The following SMC4 variants were observed in gnomAD, a reference collection of about 807,000 sequenced individuals.
SMC4 encodes the protein structural maintenance of chromosomes protein 4.
A neutral mutation model predicts 145.6 loss-of-function variants in SMC4; 87 were observed. The ratio of observed to expected loss-of-function variants is 0.60; its 90% CI spans 0.50 to 0.71. SMC4 has a LOEUF of 0.71. SMC4 is among the 30% of genes least tolerant of loss of function. The probability of loss-of-function intolerance (pLI) is 0.00; values close to 1 mark genes in which losing one functional copy is unlikely to be tolerated. For missense variants in SMC4, 1,447 were observed against 1,537.1 expected (o/e 0.94, Z 0.98); for synonymous variants, 558 against 500.7 (o/e 1.11, Z -1.53).
intron 2 of SMC4, among the ~76,000 whole-genome samples, chr3:160,401,368 C>G (rs985345970): frequency 6.6e-6 from 1 of 152,152 alleles, no homozygotes; most frequent in Non-Finnish European, 1.5e-5. Flanking sequence ...ACCCTAACCT[C>G]ACCTCCGTGG....
At chr3:160,426,032 A>G in intron 16 of SMC4, 42 bp from the exon 17 acceptor site, 1 of 1,470,404 alleles carries the variant, frequency 6.8e-7, no homozygotes, top group African/African-American at 1.4e-5. Context: ...GTTTAAAGCA[A>G]ATGTTAAAAT....
intron 5 of SMC4, among the ~76,000 whole-genome samples, chr3:160,409,366 C>T (rs763956166): frequency 3.4e-5 from 5 of 146,170 alleles, no homozygotes; most frequent in Non-Finnish European, 7.5e-5. Context: ...AAAAAAAATG[C>T]TCAACTCTAT....
intron 23 of SMC4, 125 bp downstream of exon 23, chr3:160,433,334 T>C (rs1718624097): frequency 4.6e-6 from 3 of 658,042 alleles, no homozygotes; most frequent in Non-Finnish European, 7.7e-6. Context: ...CATCTCCATC[T>C]CCTCTGGTAT....
chr3:160,412,673 G>A, intron 7 of SMC4: 1 of 908,804 alleles, frequency 1.1e-6, no homozygotes, highest in Non-Finnish European at 1.4e-6. Context: ...ACCAGCCTGG[G>A]CAACATAGCA....
rs1375747401 is a variant in SMC4 at position 160,433,561 on chromosome 3, A to T, written c.3715-96A>T. 4.0e-5 allele frequency: 28 copies of T among 698,574 alleles called. 1 individual carries two copies. In the South Asian group the frequency reaches 5.5e-4, roughly 14 times the overall value. The allele number at this position is 698,574 out of a possible 1,614,324, so 43.3% of individuals were successfully genotyped here. Reference sequence around the variant, plus strand: ...GCCATCATTCCTTTACATGTTATCAATGTAATGTTTATTGTCCAAAAAATA... The same window carrying T: ...GCCATCATTCCTTTACATGTTATCATTGTAATGTTTATTGTCCAAAAAATA... On this transcript the variant is annotated intron_variant, in intron 23 of 23. Coordinates refer to ENST00000357388, the MANE Select transcript of SMC4 (RefSeq NM_001002800.3).
At chr3:160,412,287 G>A (rs987244592) in intron 6 of SMC4, 39 bp from the exon 7 acceptor site, 4 of 1,553,272 alleles carry the variant, frequency 2.6e-6, no homozygotes, top group Non-Finnish European at 3.5e-6. Context: ...TTGTACATAT[G>A]AAGTGTGTAT....
chr3:160,425,147 G>T, intron 16 of SMC4, 128 bp downstream of exon 16: 1 of 1,334,002 alleles, frequency 7.5e-7, no homozygotes. Context: ...GGATCTATAG[G>T]CAGATATAAC....
intron 13 of SMC4, among the ~76,000 whole-genome samples, chr3:160,422,150 T>C (rs1266120908): frequency 6.6e-6 from 1 of 152,270 alleles, no homozygotes; most frequent in Non-Finnish European, 1.5e-5. Flanking sequence ...GCAATACTTG[T>C]GCTACGAACA....
intron 13 of SMC4, among the ~76,000 whole-genome samples, chr3:160,421,877 C>T (rs914969017): frequency 2.0e-5 from 3 of 152,172 alleles, no homozygotes; most frequent in South Asian, 4.1e-4. Flanking sequence ...TAGACAGTAA[C>T]AGTCGCTCCC....
chr3:160,399,893 CT>C, intron 1 of SMC4, 144 bp downstream of exon 1: 1 of 152,484 alleles, frequency 6.6e-6, no homozygotes, highest in Non-Finnish European at 1.5e-5. Flanking sequence ...GCTGTCACCC[CT>C]CCCCCCTCGG....
chr3:160,412,212 C>A, intron 6 of SMC4, 114 bp from the exon 7 acceptor site: 1 of 1,392,704 alleles, frequency 7.2e-7, no homozygotes, highest in Non-Finnish European at 9.7e-7. Context: ...TATATCTTAA[C>A]ATTTAAGATG....
chr3:160,413,658 T>A (rs781027391), intron 8 of SMC4, 45 bp downstream of exon 8: 1 of 1,050,470 alleles, frequency 9.5e-7, no homozygotes, highest in Admixed American at 2.9e-5. Flanking sequence ...GATAATTGTA[T>A]TACATGTGTA....
chr3:160,414,077 AC>A (rs200130433), intron 8 of SMC4: 4,466 of 435,474 alleles, frequency 0.01, 47 homozygotes, highest in Non-Finnish European at 0.013. Flanking sequence ...AAAAGGTAAA[AC>A]CAAAATTTTA....
rs952700246 is a variant in SMC4 at position 160,434,942 on chromosome 3, TAAAG to T, written c.*1138_*1141del. 11 of 152,272 alleles carry T rather than the reference TAAAG, an allele frequency of 7.2e-5. No individual in the cohort carries two copies. Among genetic ancestry groups the T allele is most frequent in the Non-Finnish European group, 1.5e-4 (10 of 68,026 alleles). 9.4% of individuals were successfully genotyped at this position (152,272 alleles called of 1,614,324 possible). A position where few individuals can be genotyped will look rare whatever the true frequency, so the allele number is the denominator to read the frequency against. ...TAGCATGGACTTTTAAATAAAGATT[TAAAG>T]AAAGCAAGATCGGAAATTCAAGTAC... On this transcript the variant is annotated 3_prime_UTR_variant, in exon 24 of 24. Transcript: ENST00000357388.
In SMC4 at chr3:160,416,231, A is replaced by G. The variant is rs768695772; in HGVS notation, c.1273-20A>G. 6.5e-7 allele frequency: 1 copy of G among 1,547,850 alleles called. No homozygotes were observed. ...GTAACATAAAGATGTATGCTCCTAT[A>G]ACTTGTTTTATAATCTCAGGTTGAA... On this transcript the variant is annotated intron_variant, in intron 9 of 23. Coordinates refer to ENST00000357388, the MANE Select transcript of SMC4 (RefSeq NM_001002800.3).
chr3:160,423,601 T>C lies in SMC4; in HGVS notation c.2196T>C (p.Asp732=), dbSNP rs755632202. The C allele has an allele frequency of 1.1e-5, 17 of 1,613,732 alleles. No individual in the cohort carries two copies. Among genetic ancestry groups the C allele is most frequent in the East Asian group, 8.9e-5 (4 of 44,840 alleles). The change falls in exon 14 of 24, where the codon GAT becomes GAC. Residue 732 remains aspartate (D), a synonymous_variant. Transcript: ENST00000357388. ...DQATRVAYQK[D]RRWRVVTLQG... is the part of the protein sequence containing the mutation. The stretch of plus-strand genomic sequence containing the variant: ...CCACAAGAGTAGCATATCAAAAAGA[T>C]AGAAGATGGAGAGTGGTAACTTTAC...
intron 3 of SMC4, among the ~76,000 whole-genome samples, chr3:160,402,458 C>T (rs143172909): frequency 1.3e-5 from 2 of 152,080 alleles, no homozygotes; most frequent in East Asian, 3.9e-4. Flanking sequence ...AAAACGTCTG[C>T]GTTAGAATTG....
intron 19 of SMC4, 104 bp downstream of exon 19, chr3:160,430,847 T>TA: frequency 7.5e-7 from 1 of 1,325,060 alleles, no homozygotes; most frequent in South Asian, 1.5e-5. Flanking sequence ...CTCATAGACT[T>TA]AAAGTTTTAT....
In SMC4 at chr3:160,420,879, C is replaced by G; in HGVS notation, c.1997C>G (p.Ala666Gly). 2 of 1,612,380 alleles carry G rather than the reference C, an allele frequency of 1.2e-6. No homozygotes were observed. Among genetic ancestry groups the G allele is most frequent in the Non-Finnish European group, 1.7e-6 (2 of 1,179,384 alleles). ...CTTAAAAGACAAAATATTGGAGTTGCAACCTTTATAGGTTTAGATAAGGTG... is the reference window on the plus strand; with the variant it reads ...CTTAAAAGACAAAATATTGGAGTTGGAACCTTTATAGGTTTAGATAAGGTG... ...NFLKRQNIGV[A>G]TFIGLDKMAV... Residue 666 changes from alanine to glycine, a missense_variant, in exon 13 of 24, where the codon GCA (alanine) becomes GGA (glycine). Ala to Gly is a moderately conservative substitution (Grantham distance 60). Coordinates refer to ENST00000357388, the MANE Select transcript of SMC4 (RefSeq NM_001002800.3).
Sources: gnomAD v4.1 joint callset for allele counts (sites outside exome capture counted in the v4.1 genomes callset) on GRCh38, gnomAD v4.1.1 for gene constraint, MANE v1.5 for transcripts, NCBI Gene and HGNC (gene_info 2026-07-23, HGNC 2026-07-21) for gene names.